Variants in USP15 observed in about 807,000 individuals in gnomAD.
USP15 encodes the protein ubiquitin carboxyl-terminal hydrolase 15.
A neutral mutation model predicts 127.1 loss-of-function variants in USP15; 18 were observed. The ratio of observed to expected loss-of-function variants is 0.14; its 90% CI spans 0.10 to 0.21. The LOEUF (loss-of-function observed/expected upper bound fraction) is 0.21. Among genes scored for constraint, USP15 ranks in the 10% least tolerant of loss-of-function variants. USP15 has a pLI of 1.00. For missense variants in USP15, 805 were observed against 1,159.9 expected (o/e 0.69, Z 4.44); for synonymous variants, 364 against 393.7 (o/e 0.92, Z 0.89).
At chr12:62,340,733 G>T (rs2065621705) in intron 6 of USP15, among the ~76,000 whole-genome samples, 1 of 152,170 alleles carries the variant, frequency 6.6e-6, no homozygotes, top group South Asian at 2.1e-4. Flanking sequence ...ATTGCACTGT[G>T]GTCTGAGAGA....
At chr12:62,372,714 A>C (rs1317063618) in intron 8 of USP15, among the ~76,000 whole-genome samples, 1 of 152,036 alleles carries the variant, frequency 6.6e-6, no homozygotes, top group Non-Finnish European at 1.5e-5. Context: ...AAATCCTTTG[A>C]CTGTCTTGCT....
chr12:62,273,547 T>C (rs1045547348), intron 1 of USP15, among the ~76,000 whole-genome samples: 1 of 152,108 alleles, frequency 6.6e-6, no homozygotes, highest in African/African-American at 2.4e-5. Flanking sequence ...TGGTGCTTTT[T>C]CTATAGTAAA....
intron 19 of USP15, among the ~76,000 whole-genome samples, chr12:62,395,400 A>G (rs541329471): frequency 7.2e-5 from 11 of 152,110 alleles, no homozygotes; most frequent in Non-Finnish European, 1.6e-4. Context: ...GTAGGTGTAT[A>G]TATTTGTGGG....
At position 62,390,887 on chromosome 12, in the gene USP15, A is replaced by C. The variant is rs1320790640; in HGVS notation, c.1868A>C (p.Glu623Ala). 6.8e-6 allele frequency: 11 copies of C among 1,611,440 alleles called. No individual in the cohort carries two copies. Among genetic ancestry groups the C allele is most frequent in the Admixed American group, 1.7e-5 (1 of 59,736 alleles). The change falls in exon 15 of 22, where the codon GAA becomes GCA. Residue 623 changes from glutamate (E) to alanine (A), a missense_variant. This residue lies in a region of USP15 where 225 missense variants were observed against 239.5 expected (regional missense o/e 0.94). Transcript: ENST00000280377. ...RMCRYVKISTETEETEGSLHC... is the reference protein window; with the variant it reads ...RMCRYVKISTATEETEGSLHC... ...AGCCGATATGTCAAAATATCTACTG[A>C]AACTGAAGAAACTGAAGGATCCCTA...
At position 62,404,189 on chromosome 12, in the gene USP15, A is replaced by G. The variant is rs778753441; in HGVS notation, c.2764-4A>G. 5 of 1,594,208 alleles carry G rather than the reference A, an allele frequency of 3.1e-6. No homozygotes were observed. The South Asian group carries it at 5.7e-5, about 18-fold the overall frequency. On this transcript the variant is annotated splice_region_variant and splice_polypyrimidine_tract_variant and intron_variant, in intron 21 of 21. Transcript: ENST00000280377. ...AACTGTTTTAACATCCTTTGTTTTGACAGTCCAAAGCAGCATATGTACTCT... is the reference window on the plus strand; with the variant it reads ...AACTGTTTTAACATCCTTTGTTTTGGCAGTCCAAAGCAGCATATGTACTCT...
Position 62,360,772 on chromosome 12 carries a change from G to A in USP15, c.915+5297G>A, listed in dbSNP as rs572702831. On this transcript the variant is annotated intron_variant, in intron 8 of 21. Transcript: ENST00000280377. ...ATTTGTTCTGATAAACTGAGAACGT[G>A]GCTAATGAAAAATTTAAAACTACTA... is the stretch of plus-strand genomic sequence containing the variant. Among the ~76,000 whole-genome samples, 12 of 152,096 alleles carry A rather than the reference G, an allele frequency of 7.9e-5. No individual in the cohort carries two copies. In the South Asian group the frequency reaches 2.5e-3, roughly 32 times the overall value.
intron 4 of USP15, among the ~76,000 whole-genome samples, chr12:62,318,274 T>C (rs2064888302): frequency 6.6e-6 from 1 of 152,168 alleles, no homozygotes; most frequent in African/African-American, 2.4e-5. Flanking sequence ...CCATTTTCTC[T>C]TGAGCCCACT....
At chr12:62,313,028 AC>A (rs1174827184) in intron 3 of USP15, among the ~76,000 whole-genome samples, 2 of 151,666 alleles carry the variant, frequency 1.3e-5, no homozygotes, top group Non-Finnish European at 3.0e-5. Flanking sequence ...TTTAAAAACA[AC>A]ACCTTGTTAA....
chr12:62,330,413 A>G (rs965754931), intron 6 of USP15, among the ~76,000 whole-genome samples: 2 of 151,696 alleles, frequency 1.3e-5, no homozygotes, highest in African/African-American at 4.8e-5. Context: ...ACATGGTGAA[A>G]CCCCATCTCT....
chr12:62,325,431 AT>A, intron 5 of USP15, among the ~76,000 whole-genome samples: 1 of 152,234 alleles, frequency 6.6e-6, no homozygotes, highest in South Asian at 2.1e-4. Context: ...CTTCGTCTGC[AT>A]TTGCATAAAA....
intron 8 of USP15, among the ~76,000 whole-genome samples, chr12:62,362,641 A>T (rs2066353729): frequency 6.6e-6 from 1 of 152,184 alleles, no homozygotes; most frequent in South Asian, 2.1e-4. Flanking sequence ...TTCATAAGTA[A>T]TGAATGACTG....
chr12:62,391,022 A>G, intron 15 of USP15, 43 bp downstream of exon 15: 1 of 1,570,696 alleles, frequency 6.4e-7, no homozygotes, highest in South Asian at 1.2e-5. Context: ...TCACTTAGAT[A>G]ATTGCCTCAG....
At chr12:62,360,801 T>G (rs996942070) in intron 8 of USP15, among the ~76,000 whole-genome samples, 6 of 152,076 alleles carry the variant, frequency 3.9e-5, no homozygotes, top group African/African-American at 1.2e-4. Flanking sequence ...ACTACTACTT[T>G]CTAGGTCAGG....
chr12:62,391,001 G>T lies in USP15; in HGVS notation c.1960+22G>T, dbSNP rs200234818. The T allele has an allele frequency of 1.3e-5, 21 of 1,592,236 alleles. No individual in the cohort carries two copies. In the Admixed American group the frequency reaches 3.6e-4, roughly 28 times the overall value. ...CCAAGTAAGACTTTTCTGTTAAATT[G>T]TACAAATGTTTCACTTAGATAATTG... On this transcript the variant is annotated intron_variant, in intron 15 of 21. Transcript: ENST00000280377.
At chr12:62,329,430 G>A (rs762229744) in intron 6 of USP15, among the ~76,000 whole-genome samples, 61 of 152,076 alleles carry the variant, frequency 4.0e-4, no homozygotes, top group Admixed American at 7.2e-4. Flanking sequence ...TACATCATAG[G>A]GATCATAGAA....
intron 1 of USP15, among the ~76,000 whole-genome samples, chr12:62,261,199 T>C (rs1337086307): frequency 6.6e-6 from 1 of 152,166 alleles, no homozygotes; most frequent in African/African-American, 2.4e-5. Flanking sequence ...GTTTGAAAGA[T>C]AATGTAGGCC....
intron 6 of USP15, among the ~76,000 whole-genome samples, chr12:62,340,494 A>G (rs890506058): frequency 1.3e-5 from 2 of 152,106 alleles, no homozygotes; most frequent in African/African-American, 2.4e-5. Context: ...TTTCAATTTC[A>G]TATCTTTCCA....
At chr12:62,321,672 A>G in intron 5 of USP15, 63 bp downstream of exon 5, 2 of 1,353,494 alleles carry the variant, frequency 1.5e-6, no homozygotes, top group African/African-American at 1.5e-5. Context: ...AAACTTTAAT[A>G]ATTATCCTGG....
intron 8 of USP15, among the ~76,000 whole-genome samples, chr12:62,368,873 T>G (rs2066568745): frequency 6.6e-6 from 1 of 152,190 alleles, no homozygotes; most frequent in South Asian, 2.1e-4. Flanking sequence ...ATTTTGCCCA[T>G]TGGTTGATGC....
Sources: allele counts gnomAD v4.1 joint callset (sites outside exome capture counted in the v4.1 genomes callset), GRCh38; gene constraint gnomAD v4.1.1; regional missense constraint gnomAD v4.1.1; transcripts MANE v1.5; gene names NCBI Gene and HGNC (gene_info 2026-07-23, HGNC 2026-07-21).